Variants in CHSY3 observed in about 807,000 individuals in gnomAD.
The protein encoded by CHSY3 is N-acetylgalactosaminyl-proteoglycan 3-beta-glucuronosyltransferase 3.
Under a neutral mutation model 67.2 loss-of-function variants are expected in CHSY3, and 35 were observed. That is an observed-to-expected ratio of 0.52 (90% CI 0.40 to 0.69). The LOEUF is 0.69. Ranked by LOEUF, CHSY3 falls within the 30% of genes least tolerant of loss-of-function variation. The probability of loss-of-function intolerance (pLI) is 0.00; values close to 1 mark genes in which losing one functional copy is unlikely to be tolerated. For missense variants in CHSY3, 1,069 were observed against 1,138.5 expected, an observed-to-expected ratio of 0.94 and a Z score of 0.88; for synonymous variants, 474 against 434.7, an observed-to-expected ratio of 1.09 and a Z score of -1.12.
At chr5:130,077,863 A>G (rs985000447) in intron 2 of CHSY3, among the ~76,000 whole-genome samples, 1 of 151,984 alleles carries the variant, frequency 6.6e-6, no homozygotes, top group Non-Finnish European at 1.5e-5. Flanking sequence ...TTGTGAGAAT[A>G]CATATTGAAA....
intron 2 of CHSY3, among the ~76,000 whole-genome samples, chr5:130,161,006 G>C (rs1290778765): frequency 1.3e-5 from 2 of 151,256 alleles, no homozygotes; most frequent in Non-Finnish European, 2.9e-5. Flanking sequence ...CCGGGTTCAA[G>C]CCATTCTCCT....
chr5:130,016,237 G>GA (rs1295252704), intron 2 of CHSY3, among the ~76,000 whole-genome samples: 1 of 151,954 alleles, frequency 6.6e-6, no homozygotes, highest in Non-Finnish European at 1.5e-5. Flanking sequence ...AGAAACAAAA[G>GA]AAAAAATAAT....
At chr5:129,980,877 A>G (rs1762960382) in intron 2 of CHSY3, among the ~76,000 whole-genome samples, 1 of 151,992 alleles carries the variant, frequency 6.6e-6, no homozygotes, top group Non-Finnish European at 1.5e-5. Flanking sequence ...AAAAACCATA[A>G]AACCATGTTT....
chr5:129,915,232 G>A (rs1047138825), intron 2 of CHSY3, among the ~76,000 whole-genome samples: 3 of 152,080 alleles, frequency 2.0e-5, no homozygotes, highest in African/African-American at 7.2e-5. Flanking sequence ...AATCAGCTGA[G>A]TTACATGAGT....
At chr5:130,151,947 G>A (rs1281169882) in intron 2 of CHSY3, among the ~76,000 whole-genome samples, 1 of 152,184 alleles carries the variant, frequency 6.6e-6, no homozygotes, top group Non-Finnish European at 1.5e-5. Context: ...CATCAGCATT[G>A]TCATTGTAGA....
rs575477061 is a variant in CHSY3, at chr5:130,185,685, A to G, written c.2543A>G (p.Lys848Arg). 2 of 1,614,024 alleles carry G rather than the reference A, an allele frequency of 1.2e-6. No homozygotes were observed. The highest frequency in any genetic ancestry group is 2.7e-5 in the African/African-American group (2 of 75,018). Residue 848 changes from lysine (K) to arginine (R), a missense_variant, in exon 3 of 3, where the codon AAG (lysine) becomes AGG (arginine). Transcript: ENST00000305031. ...CCTAACTTGGACCCTAAGCAGTATAAGATGTGCTTAGGATCCAAGGCAAGT... is the reference window on the plus strand; with the variant it reads ...CCTAACTTGGACCCTAAGCAGTATAGGATGTGCTTAGGATCCAAGGCAAGT... ...CDPNLDPKQY[K>R]MCLGSKASTF...
chr5:129,979,641 G>T (rs1194043125), intron 2 of CHSY3, among the ~76,000 whole-genome samples: 1 of 152,070 alleles, frequency 6.6e-6, no homozygotes, highest in East Asian at 1.9e-4. Context: ...TTACCTTAGG[G>T]TTCACTCTCA....
At chr5:130,135,285 C>T (rs967767911) in intron 2 of CHSY3, among the ~76,000 whole-genome samples, 11 of 146,278 alleles carry the variant, frequency 7.5e-5, no homozygotes, top group East Asian at 2.3e-4. Context: ...TATATATATA[C>T]ACACACACAC....
chr5:130,120,414 G>A (rs570410996), intron 2 of CHSY3, among the ~76,000 whole-genome samples: 3 of 141,312 alleles, frequency 2.1e-5, no homozygotes, highest in East Asian at 4.2e-4. Context: ...AATAATATAC[G>A]ATCAGCTCCT....
chr5:130,125,633 G>A (rs62393181), intron 2 of CHSY3, among the ~76,000 whole-genome samples: 9,595 of 152,104 alleles, frequency 0.063, 404 homozygotes, highest in Non-Finnish European at 0.087. Context: ...TAAGAATAAC[G>A]GAGTCAAAAT....
intron 2 of CHSY3, among the ~76,000 whole-genome samples, chr5:130,082,470 A>C (rs1766474790): frequency 6.6e-6 from 1 of 152,110 alleles, no homozygotes; most frequent in Non-Finnish European, 1.5e-5. Context: ...TGTTTGATCC[A>C]ATAAAACATT....
rs568013616 is a variant in CHSY3, at chr5:130,172,733, G to A, written c.1087-11496G>A. ...TTTAATCTTGCAAAACTGAAACTCC[G>A]TGCCTGAACAGCAACTCCCCATTTT... On this transcript the variant is annotated intron_variant, in intron 2 of 2. Coordinates refer to ENST00000305031, the MANE Select transcript of CHSY3 (RefSeq NM_175856.5). Among the ~76,000 whole-genome samples the A allele has an allele frequency of 2.0e-3, 310 of 152,234 alleles. 2 individuals carry two copies. The highest frequency in any genetic ancestry group is 6.9e-3 in the African/African-American group (285 of 41,556).
chr5:130,112,238 C>T (rs1767613127), intron 2 of CHSY3, among the ~76,000 whole-genome samples: 1 of 152,098 alleles, frequency 6.6e-6, no homozygotes, highest in South Asian at 2.1e-4. Flanking sequence ...ATCAATAGCA[C>T]ACCTTGCTAC....
intron 2 of CHSY3, among the ~76,000 whole-genome samples, chr5:130,132,101 G>A (rs1246983005): frequency 6.6e-6 from 1 of 152,048 alleles, no homozygotes; most frequent in Non-Finnish European, 1.5e-5. Context: ...TGAACTTACT[G>A]TTAACTAATA....
chr5:129,975,088 A>G (rs1292650983), intron 2 of CHSY3: 1 of 151,992 alleles, frequency 6.6e-6, no homozygotes, highest in Non-Finnish European at 1.5e-5. Flanking sequence ...GGGTGGGGGT[A>G]GGGGGGAAGG....
chr5:130,079,518 G>C (rs956143582), intron 2 of CHSY3, among the ~76,000 whole-genome samples: 1 of 152,048 alleles, frequency 6.6e-6, no homozygotes, highest in African/African-American at 2.4e-5. Context: ...AGTGAATGCT[G>C]TCGTATGTAG....
chr5:130,003,331 G>C (rs938132884), intron 2 of CHSY3, among the ~76,000 whole-genome samples: 2 of 152,208 alleles, frequency 1.3e-5, no homozygotes, highest in Non-Finnish European at 2.9e-5. Flanking sequence ...ACAGAAGGCT[G>C]TTAAAGGAGC....
At chr5:130,073,881 T>C (rs1028055833) in intron 2 of CHSY3, among the ~76,000 whole-genome samples, 1 of 152,008 alleles carries the variant, frequency 6.6e-6, no homozygotes, top group Non-Finnish European at 1.5e-5. Context: ...ACTTGAGAGG[T>C]GAGATACAGA....
intron 2 of CHSY3, among the ~76,000 whole-genome samples, chr5:129,962,796 T>C (rs1375577534): frequency 6.6e-6 from 1 of 151,988 alleles, no homozygotes; most frequent in Non-Finnish European, 1.5e-5. Context: ...GCTTCAAGGA[T>C]TGCATTCAAA....
Sources: allele counts gnomAD v4.1 joint callset (sites outside exome capture counted in the v4.1 genomes callset), GRCh38; gene constraint gnomAD v4.1.1; transcripts MANE v1.5; gene names NCBI Gene and HGNC (gene_info 2026-07-23, HGNC 2026-07-21).